Variants in TTF2 observed in about 807,000 individuals in gnomAD.
TTF2 encodes the protein transcription termination factor 2, also known as RNA polymerase II termination factor.
A neutral mutation model predicts 142.4 loss-of-function variants in TTF2; 108 were observed. That is an observed-to-expected ratio of 0.76 (90% confidence interval 0.65 to 0.89). The LOEUF (loss-of-function observed/expected upper bound fraction) is 0.89. TTF2 is among the 40% of genes least tolerant of loss of function. The probability of loss-of-function intolerance (pLI) is 0.00; values close to 1 mark genes in which losing one functional copy is unlikely to be tolerated. For missense variants in TTF2, 1,327 were observed against 1,379.8 expected, an observed-to-expected ratio of 0.96 and a Z score of 0.61; for synonymous variants, 483 against 506.2, an observed-to-expected ratio of 0.95 and a Z score of 0.61.
rs755697727 is a variant in TTF2, at chr1:117,062,428, T to C, written c.173T>C (p.Val58Ala). 9 of 1,613,902 alleles carry C rather than the reference T, an allele frequency of 5.6e-6. No individual in the cohort carries two copies. In the African/African-American group the frequency reaches 1.1e-4, roughly 19 times the overall value. ...SHCLLHEDFV[V>A]ELQGLLLPQD... ...TGCTTATTGCATGAGGACTTTGTGG[T>C]AGAGCTTCAGGGTTTGCTTCTGCCA... Residue 58 changes from valine to alanine, a missense_variant, in exon 3 of 23, where the codon GTA becomes GCA. Physicochemically the swap from Val to Ala is moderately conservative, Grantham distance 64 (BLOSUM62 0). Transcript: ENST00000369466.
In TTF2 at chr1:117,076,080, C is replaced by G. The variant is rs1656985819; in HGVS notation, c.1276-100C>G. ...GGTTTTTGCACACATATTTAAAAGA[C>G]CATAATTTCAGAGTTTGGGTGTTTC... On this transcript the variant is annotated intron_variant, in intron 5 of 22. Transcript: ENST00000369466. This position sits in a 1 kb window ranked among gnomAD's most constrained non-coding sequence, Gnocchi z 4.6. The G allele has an allele frequency of 7.5e-7, 1 of 1,335,566 alleles. No individual in the cohort carries two copies. The highest frequency in any genetic ancestry group is 1.5e-5 in the African/African-American group (1 of 67,934). The allele number at this position is 1,335,566 out of a possible 1,614,324, so 82.7% of individuals were successfully genotyped here.
chr1:117,076,784 T>A lies in TTF2; in HGVS notation c.1534T>A (p.Cys512Ser). ...GGGTTCTCTAGAACTAAAGTCTGCCTGCCAGGTGACTGCTGGAGGATCCAG... is the reference window on the plus strand; with the variant it reads ...GGGTTCTCTAGAACTAAAGTCTGCCAGCCAGGTGACTGCTGGAGGATCCAG... Reference protein sequence around the residue: ...PVGSLELKSACQVTAGGSSQC... With the variant: ...PVGSLELKSASQVTAGGSSQC... The change falls in exon 7 of 23, where the codon TGC (cysteine) becomes AGC (serine). Residue 512 changes from cysteine to serine, a missense_variant. Coordinates refer to ENST00000369466, the MANE Select transcript of TTF2 (RefSeq NM_003594.4). This position sits in a 1 kb window ranked among gnomAD's most constrained non-coding sequence, Gnocchi z 4.6. 1.2e-6 allele frequency: 2 copies of A among 1,614,076 alleles called. No homozygotes were observed. The highest frequency in any genetic ancestry group is 2.2e-5 in the East Asian group (1 of 44,870).
rs376440412 is a variant in TTF2 at position 117,090,511 on chromosome 1, C to CT, written c.2497-11dup. Reference sequence around the variant, plus strand: ...GTTAATTTGTATAGCTTCATGCCAGCTTTTTTTTTTATTCTTCCAGGTGAT... The same window carrying CT: ...GTTAATTTGTATAGCTTCATGCCAGCTTTTTTTTTTTATTCTTCCAGGTGAT... On this transcript the variant is annotated intron_variant, in intron 14 of 22. Coordinates refer to ENST00000369466, the MANE Select transcript of TTF2 (RefSeq NM_003594.4). The surrounding 1 kb of genome is among the most constrained non-coding windows in gnomAD (Gnocchi z 4.8). The CT allele has an allele frequency of 5.6e-3, 6,913 of 1,243,344 alleles. 26 individuals are homozygous for CT. Among genetic ancestry groups the CT allele is most frequent in the African/African-American group, 0.037 (2,438 of 65,636 alleles). 77.0% of individuals were successfully genotyped at this position (1,243,344 alleles called of 1,614,324 possible). A position where few individuals can be genotyped will look rare whatever the true frequency, so the allele number is the denominator to read the frequency against.
rs568640431 is a variant in TTF2 at position 117,095,729 on chromosome 1, A to G, written c.3035+362A>G. ...GCTATACACCTGCATTATTTATAAA[A>G]TAATTCAATATAAAAATTTAGAACT... On this transcript the variant is annotated intron_variant, in intron 19 of 22. Coordinates refer to ENST00000369466, the MANE Select transcript of TTF2 (RefSeq NM_003594.4). Among the ~76,000 whole-genome samples the G allele has an allele frequency of 3.1e-4, 47 of 152,354 alleles. 1 individual carries two copies. Among genetic ancestry groups the G allele is most frequent in the African/African-American group, 9.9e-4 (41 of 41,578 alleles).
At chr1:117,065,915 G>T (rs1363222277) in intron 3 of TTF2, among the ~76,000 whole-genome samples, 1 of 150,606 alleles carries the variant, frequency 6.6e-6, no homozygotes, top group Non-Finnish European at 1.5e-5. Flanking sequence ...AACTATGGAG[G>T]ACAGATTAGA....
At position 117,086,439 on chromosome 1, in the gene TTF2, A is replaced by T; in HGVS notation, c.2077A>T (p.Ile693Phe). ...CAGCCTCTCTACATATGACATCGTG[A>T]TCACTACCTATAGCCTCGTGGCCAA... ...ARVLSTYDIV[I>F]TTYSLVAKEI... Residue 693 changes from isoleucine (I) to phenylalanine (F), a missense_variant, in exon 12 of 23, where the codon ATC becomes TTC. Transcript: ENST00000369466. This position sits in a 1 kb window ranked among gnomAD's most constrained non-coding sequence, Gnocchi z 4.2. 6.2e-7 allele frequency: 1 copy of T among 1,614,038 alleles called. No individual in the cohort carries two copies. The highest frequency in any genetic ancestry group is 8.5e-7 in the Non-Finnish European group (1 of 1,179,952).
chr1:117,076,718 G>T lies in TTF2; in HGVS notation c.1468G>T (p.Val490Leu), dbSNP rs758481856. The T allele has an allele frequency of 6.2e-7, 1 of 1,613,950 alleles. No homozygotes were observed. Among genetic ancestry groups the T allele is most frequent in the Non-Finnish European group, 8.5e-7 (1 of 1,180,002 alleles). ...AACTACCACTGGCCCTCCCCACCTG[G>T]TGCCTCCCCAACCCCTTCCTCGTCG... ...TKTTTGPPHL[V>L]PPQPLPRRGT... Residue 490 changes from valine (V) to leucine (L), a missense_variant, in exon 7 of 23, where the codon GTG becomes TTG. Physicochemically the swap from Val to Leu is conservative, Grantham distance 32. Coordinates refer to ENST00000369466, the MANE Select transcript of TTF2 (RefSeq NM_003594.4). The surrounding 1 kb of genome is among the most constrained non-coding windows in gnomAD (Gnocchi z 4.6).
intron 12 of TTF2, 78 bp from the exon 13 acceptor site, chr1:117,088,723 C>G (rs1240904015): frequency 2.0e-6 from 3 of 1,503,250 alleles, no homozygotes; most frequent in African/African-American, 2.8e-5. Flanking sequence ...CCATGCTTGC[C>G]TGCTATTTCC....
At chr1:117,071,090 A>C (rs556513078) in intron 3 of TTF2, among the ~76,000 whole-genome samples, 2 of 152,334 alleles carry the variant, frequency 1.3e-5, no homozygotes, top group Non-Finnish European at 2.9e-5. Context: ...ATAACTAATA[A>C]AGAAAATCAG....
intron 2 of TTF2, among the ~76,000 whole-genome samples, chr1:117,061,245 G>C (rs144201707): frequency 6.6e-6 from 1 of 151,494 alleles, no homozygotes; most frequent in South Asian, 2.1e-4. Flanking sequence ...AAAAAAAATT[G>C]TCTAGGCATG....
Position 117,101,524 on chromosome 1 carries a change from A to G in TTF2, c.3489A>G (p.Ter1163=). ...LADLRVLFGI[*] is the part of the protein sequence containing the mutation. ...ACCTCAGAGTCCTTTTTGGCATCTA[A>G]CCTCCTGTGGATAAGGGCTCAGAAT... The change falls in exon 23 of 23, where the codon TAA becomes TAG. Residue 1163 remains the stop codon, a stop_retained_variant. Transcript: ENST00000369466. The surrounding 1 kb of genome is among the most constrained non-coding windows in gnomAD (Gnocchi z 5.9). The G allele has an allele frequency of 6.3e-7, 1 of 1,585,512 alleles. No individual in the cohort carries two copies. The highest frequency in any genetic ancestry group is 8.5e-7 in the Non-Finnish European group (1 of 1,172,434).
chr1:117,099,021 A>C lies in TTF2; in HGVS notation c.3344+114A>C. On this transcript the variant is annotated intron_variant, in intron 22 of 22. Transcript: ENST00000369466. The surrounding 1 kb of genome is among the most constrained non-coding windows in gnomAD (Gnocchi z 4.3). ...AAAGTATTTGGTGATGACTTTACTG[A>C]TGATGCCCCTGAGGCATACCTTCAG... 1 of 993,334 alleles carries C rather than the reference A, an allele frequency of 1.0e-6. No homozygotes were observed. Among genetic ancestry groups the C allele is most frequent in the Non-Finnish European group, 1.5e-6 (1 of 684,734 alleles). The allele number at this position is 993,334 out of a possible 1,614,324, so 61.5% of individuals were successfully genotyped here.
At chr1:117,096,438 T>C in intron 20 of TTF2, 139 bp downstream of exon 20, 3 of 1,116,736 alleles carry the variant, frequency 2.7e-6, no homozygotes, top group South Asian at 3.3e-5. Flanking sequence ...ACTGCAATAG[T>C]GCTATCTTGG....
Position 117,092,908 on chromosome 1 carries a change from T to C in TTF2, c.2976+7T>C. ...CATGCGAGAGAGCACCAAGGTACTT[T>C]TTGTCTCCTCTGTAGTAGTCGAGAG... On this transcript the variant is annotated splice_region_variant and intron_variant, in intron 18 of 22. Transcript: ENST00000369466. This position sits in a 1 kb window ranked among gnomAD's most constrained non-coding sequence, Gnocchi z 4.4. 6 of 1,614,166 alleles carry C rather than the reference T, an allele frequency of 3.7e-6. No homozygotes were observed. Among genetic ancestry groups the C allele is most frequent in the Non-Finnish European group, 5.1e-6 (6 of 1,180,020 alleles).
At chr1:117,068,750 C>G (rs923252499) in intron 3 of TTF2, among the ~76,000 whole-genome samples, 1 of 152,130 alleles carries the variant, frequency 6.6e-6, no homozygotes, top group African/African-American at 2.4e-5. Context: ...ACCAGGCATG[C>G]GCCAGACCCA....
rs766429262 is a variant in TTF2, at chr1:117,090,214, C to G, written c.2496+6C>G. ...ACTCTACTGGCAGACCTTTGGTAAT[C>G]AAGTTTGTACCTGTCCCTGGGGGAG... is the stretch of plus-strand genomic sequence containing the variant. On this transcript the variant is annotated splice_donor_region_variant and intron_variant, in intron 14 of 22. Coordinates refer to ENST00000369466, the MANE Select transcript of TTF2 (RefSeq NM_003594.4). The surrounding 1 kb of genome is among the most constrained non-coding windows in gnomAD (Gnocchi z 4.8). 5 of 1,613,296 alleles carry G rather than the reference C, an allele frequency of 3.1e-6. No homozygotes were observed. The highest frequency in any genetic ancestry group is 3.3e-4 in the Middle Eastern group (2 of 6,050).
intron 3 of TTF2, 120 bp downstream of exon 3, chr1:117,062,593 T>C: frequency 1.2e-6 from 1 of 843,856 alleles, no homozygotes; most frequent in Non-Finnish European, 1.8e-6. Flanking sequence ...AAACAAAATT[T>C]GTATATGTAT....
chr1:117,090,252 A>G lies in TTF2; in HGVS notation c.2496+44A>G, dbSNP rs1249103405. On this transcript the variant is annotated intron_variant, in intron 14 of 22. Coordinates refer to ENST00000369466, the MANE Select transcript of TTF2 (RefSeq NM_003594.4). This position sits in a 1 kb window ranked among gnomAD's most constrained non-coding sequence, Gnocchi z 4.8. ...GTCCCTGGGGGAGGCCAGGGAAGGAACATGACTGTGTCCTTGTCTTGGGTT... is the reference window on the plus strand; with the variant it reads ...GTCCCTGGGGGAGGCCAGGGAAGGAGCATGACTGTGTCCTTGTCTTGGGTT... 3 of 1,598,250 alleles carry G rather than the reference A, an allele frequency of 1.9e-6. No individual in the cohort carries two copies. Among genetic ancestry groups the G allele is most frequent in the Admixed American group, 1.7e-5 (1 of 58,260 alleles).
In TTF2 at chr1:117,106,942, G is replaced by A. The variant is rs1219545858; in HGVS notation, c.*5418G>A. On this transcript the variant is annotated 3_prime_UTR_variant, in exon 23 of 23. Coordinates refer to ENST00000369466, the MANE Select transcript of TTF2 (RefSeq NM_003594.4). ...GTTTATTATCCAAGACAGCCAAGGT[G>A]TTTATCCTGTTACAACATCCCAGAG... The A allele has an allele frequency of 6.6e-6, 1 of 152,210 alleles. No individual in the cohort carries two copies. Among genetic ancestry groups the A allele is most frequent in the Admixed American group, 6.5e-5 (1 of 15,288 alleles). The allele number at this position is 152,210 out of a possible 1,614,324, so 9.4% of individuals were successfully genotyped here.
Sources: gnomAD v4.1 joint callset for allele counts (sites outside exome capture counted in the v4.1 genomes callset) on GRCh38, gnomAD v4.1.1 for gene constraint, Gnocchi (gnomAD v3.1) non-coding constraint, MANE v1.5 for transcripts, NCBI Gene and HGNC (gene_info 2026-07-23, HGNC 2026-07-21) for gene names.